Variants in DOCK4 observed in about 807,000 individuals in gnomAD.
DOCK4 encodes dedicator of cytokinesis protein 4.
DOCK4 carries 97 observed loss-of-function variants against 268.1 expected under a neutral mutation model. The ratio of observed to expected loss-of-function variants is 0.36; its 90% CI spans 0.31 to 0.43. The LOEUF is 0.43. Ranked by LOEUF, DOCK4 falls within the 20% of genes least tolerant of loss-of-function variation. The pLI is 1.00. For synonymous variants in DOCK4, 954 were observed against 887.2 expected (o/e 1.08, Z -1.34); for missense variants, 2,145 against 2,455.7 (o/e 0.87, Z 2.67).
chr7:112,181,716 C>G (rs1001316978), intron 1 of DOCK4, among the ~76,000 whole-genome samples: 2 of 150,396 alleles, frequency 1.3e-5, no homozygotes, highest in Admixed American at 1.3e-4. Context: ...TACGTTCCCA[C>G]TGTGGAATAG....
At chr7:112,093,040 G>A (rs1809779622) in intron 1 of DOCK4, among the ~76,000 whole-genome samples, 1 of 152,114 alleles carries the variant, frequency 6.6e-6, no homozygotes, top group African/African-American at 2.4e-5. Context: ...CATCATTATG[G>A]AAGATTTGGG....
chr7:112,019,984 T>C (rs1381251620), intron 1 of DOCK4, among the ~76,000 whole-genome samples: 1 of 152,134 alleles, frequency 6.6e-6, no homozygotes, highest in African/African-American at 2.4e-5. Flanking sequence ...AAAATCCCAA[T>C]TTACAATTGG....
At chr7:111,939,951 G>A (rs1412905922) in intron 11 of DOCK4, among the ~76,000 whole-genome samples, 159 bp downstream of exon 11, 1 of 152,080 alleles carries the variant, frequency 6.6e-6, no homozygotes, top group Non-Finnish European at 1.5e-5. Flanking sequence ...GTGGCTTGTA[G>A]GCTCACTTGC....
chr7:111,990,947 A>G (rs1333750678), intron 5 of DOCK4, among the ~76,000 whole-genome samples: 1 of 152,190 alleles, frequency 6.6e-6, no homozygotes, highest in Non-Finnish European at 1.5e-5. Context: ...CGATACAAAC[A>G]CTTGAGGAAG....
chr7:111,925,365 G>T (rs1193731827), intron 12 of DOCK4, among the ~76,000 whole-genome samples: 7 of 152,290 alleles, frequency 4.6e-5, no homozygotes, highest in African/African-American at 1.7e-4. Context: ...ACACTGGGAG[G>T]TCAGAGACAG....
intron 1 of DOCK4, among the ~76,000 whole-genome samples, chr7:112,098,587 T>G (rs2135797358): frequency 6.7e-6 from 1 of 149,644 alleles, no homozygotes; most frequent in Admixed American, 6.7e-5. Flanking sequence ...TTATGTAAGA[T>G]TATGTAAATT....
At chr7:112,051,057 T>G in intron 1 of DOCK4, among the ~76,000 whole-genome samples, 1 of 152,076 alleles carries the variant, frequency 6.6e-6, no homozygotes, top group East Asian at 1.9e-4. Context: ...GAAGAGAGTA[T>G]TAGGCACACA....
intron 11 of DOCK4, among the ~76,000 whole-genome samples, chr7:111,937,962 G>C (rs1794876583): frequency 6.6e-6 from 1 of 152,180 alleles, no homozygotes; most frequent in Non-Finnish European, 1.5e-5. Context: ...CTCACACATA[G>C]TAAGCACACA....
intron 1 of DOCK4, among the ~76,000 whole-genome samples, chr7:112,091,182 C>T (rs1384910083): frequency 6.6e-6 from 1 of 152,148 alleles, no homozygotes; most frequent in Non-Finnish European, 1.5e-5. Context: ...AGTATTGACT[C>T]CAGTGTTCCT....
intron 11 of DOCK4, 143 bp downstream of exon 11, chr7:111,939,967 G>C: frequency 1.2e-6 from 1 of 805,052 alleles, no homozygotes; most frequent in Non-Finnish European, 2.0e-6. Flanking sequence ...CTTGCAACAA[G>C]TCTACAGATT....
At chr7:112,012,947 G>A (rs537005992) in intron 1 of DOCK4, among the ~76,000 whole-genome samples, 3 of 152,096 alleles carry the variant, frequency 2.0e-5, no homozygotes, top group South Asian at 2.1e-4. Flanking sequence ...CCTCGCAACC[G>A]GAGGGACTCA....
chr7:112,206,317 G>A lies in DOCK4; in HGVS notation c.-179C>T, dbSNP rs1821405049. 4 of 640,260 alleles carry A rather than the reference G, an allele frequency of 6.2e-6. No individual in the cohort carries two copies. The highest frequency in any genetic ancestry group is 1.1e-5 in the Non-Finnish European group (4 of 377,224). 39.7% of individuals were successfully genotyped at this position (640,260 alleles called of 1,614,324 possible). The stretch of plus-strand genomic sequence containing the variant: ...CCGAGCCCAGCGTTGACACTGCGCC[G>A]CCCGCAGCTCTCCCGGCGGCGGCTG... On this transcript the variant is annotated 5_prime_UTR_variant, in exon 1 of 53. Transcript: ENST00000428084.
At chr7:111,851,819 G>A (rs1183855273) in intron 23 of DOCK4, among the ~76,000 whole-genome samples, 1 of 152,072 alleles carries the variant, frequency 6.6e-6, no homozygotes, top group Non-Finnish European at 1.5e-5. Flanking sequence ...CTATGTAAGT[G>A]TTATTCTCCT....
chr7:111,747,455 A>T lies in DOCK4; in HGVS notation c.4417-12T>A. On this transcript the variant is annotated splice_polypyrimidine_tract_variant and intron_variant, in intron 42 of 52. Coordinates refer to ENST00000428084, the MANE Select transcript of DOCK4 (RefSeq NM_001363540.2). ...GGACTCATTTCTACCTGAGAAGCAA[A>T]TGAACATAAATATATATTGAATTTG... is the stretch of plus-strand genomic sequence containing the variant. 6.4e-7 allele frequency: 1 copy of T among 1,570,688 alleles called. No individual in the cohort carries two copies. Among genetic ancestry groups the T allele is most frequent in the African/African-American group, 1.4e-5 (1 of 74,058 alleles).
chr7:112,147,378 A>G (rs954617522), intron 1 of DOCK4, among the ~76,000 whole-genome samples: 3 of 152,230 alleles, frequency 2.0e-5, no homozygotes, highest in Admixed American at 1.3e-4. Flanking sequence ...TCTTAGAACC[A>G]CATTTTAAGC....
chr7:112,054,889 T>C (rs763651686), intron 1 of DOCK4, among the ~76,000 whole-genome samples: 1 of 152,178 alleles, frequency 6.6e-6, no homozygotes, highest in Non-Finnish European at 1.5e-5. Context: ...ACTTGTTTCA[T>C]TTAAAAAGAA....
At chr7:111,771,414 T>C (rs775842535) in intron 36 of DOCK4, among the ~76,000 whole-genome samples, 66 of 152,296 alleles carry the variant, frequency 4.3e-4, no homozygotes, top group Non-Finnish European at 7.6e-4. Flanking sequence ...AGTGATGCCT[T>C]CTGTTGCATG....
intron 1 of DOCK4, among the ~76,000 whole-genome samples, chr7:112,110,121 T>A (rs1811518764): frequency 1.3e-5 from 2 of 152,000 alleles, no homozygotes; most frequent in African/African-American, 2.4e-5. Flanking sequence ...GCCAAAGGGC[T>A]GCCAAATATG....
intron 1 of DOCK4, among the ~76,000 whole-genome samples, chr7:112,100,303 T>C (rs1445704680): frequency 6.6e-6 from 1 of 152,266 alleles, no homozygotes; most frequent in Non-Finnish European, 1.5e-5. Context: ...TTGAGATCTC[T>C]GGCACTCCCA....
Sources: gnomAD v4.1 joint callset for allele counts (sites outside exome capture counted in the v4.1 genomes callset) on GRCh38, gnomAD v4.1.1 for gene constraint, MANE v1.5 for transcripts, NCBI Gene and HGNC (gene_info 2026-07-23, HGNC 2026-07-21) for gene names.